LINGO1: variants seen among roughly 807,000 people sequenced by gnomAD.
LINGO1 encodes the protein leucine-rich repeat and immunoglobulin-like domain-containing nogo receptor-interacting protein 1.
LINGO1 carries 11 observed loss-of-function variants against 37.3 expected under a neutral mutation model. The observed-to-expected ratio is 0.29, with a 90% confidence interval of 0.19 to 0.49. The LOEUF (loss-of-function observed/expected upper bound fraction) is 0.49. LINGO1 is among the 20% of genes least tolerant of loss of function. The pLI, the probability that LINGO1 is intolerant of heterozygous loss-of-function variation, is 0.99. For synonymous variants in LINGO1, 387 were observed against 403.0 expected, an observed-to-expected ratio of 0.96 and a Z score of 0.48; for missense variants, 585 against 878.2, an observed-to-expected ratio of 0.67 and a Z score of 4.22.
chr15:77,623,902 T>A (rs56037535), intron 1 of LINGO1, among the ~76,000 whole-genome samples: 24,808 of 145,648 alleles, frequency 0.17, 4,237 homozygotes, highest in African/African-American at 0.46. Context: ...GTGTGTGTGG[T>A]CTCTGTGTGT....
chr15:77,615,753 C>A lies in LINGO1; in HGVS notation c.154G>T (p.Asp52Tyr), dbSNP rs1307339875. Residue 52 changes from aspartate to tyrosine, a missense_variant, in exon 2 of 2, where the codon GAC becomes TAC. Physicochemically the swap from Asp to Tyr is radical, Grantham distance 160. Around this residue, in one of 4 missense-constraint regions of LINGO1, gnomAD observed 484 missense variants for 735.0 expected, o/e 0.66. Transcript: ENST00000355300. ...TTGCGGTGGCACAGCACAGCGCGGTCCTGGGCGGAGCACTCGCAGCGGGGC... is the reference window on the plus strand; with the variant it reads ...TTGCGGTGGCACAGCACAGCGCGGTACTGGGCGGAGCACTCGCAGCGGGGC... ...CPPRCECSAQ[D>Y]RAVLCHRKRF... The A allele has an allele frequency of 1.9e-6, 3 of 1,586,956 alleles. No individual in the cohort carries two copies. Among genetic ancestry groups the A allele is most frequent in the Non-Finnish European group, 2.6e-6 (3 of 1,170,938 alleles).
chr15:77,646,300 G>A (rs750058673), intron 3 of LINGO1: 3 of 352,352 alleles, frequency 8.5e-6, no homozygotes, highest in Non-Finnish European at 1.7e-5. Context: ...CCACAGAGCA[G>A]TGGGCGGGGA....
chr15:77,696,582 C>T (rs189578483), upstream of LINGO1: 384 of 152,656 alleles, frequency 2.5e-3, no homozygotes, highest in Non-Finnish European at 3.6e-3. Context: ...CTGCCCACCG[C>T]GGAGGGCCCC....
intron 1 of LINGO1, among the ~76,000 whole-genome samples, chr15:77,695,693 C>T (rs2141261178): frequency 6.6e-6 from 1 of 152,196 alleles, no homozygotes; most frequent in South Asian, 2.1e-4. Context: ...GCCCAGCCTC[C>T]CCCTGCCCCA....
chr15:77,725,880 C>T (rs572261408), intron 2 of LINGO1, among the ~76,000 whole-genome samples: 25 of 152,198 alleles, frequency 1.6e-4, no homozygotes, highest in African/African-American at 4.6e-4. Flanking sequence ...GCCCAGGGAG[C>T]GTACATAGAG....
intron 2 of LINGO1, among the ~76,000 whole-genome samples, chr15:77,702,611 CTG>C (rs2075798934): frequency 6.6e-6 from 1 of 152,216 alleles, no homozygotes; most frequent in Non-Finnish European, 1.5e-5. Flanking sequence ...GGTAAGGAAA[CTG>C]AGGCTCAGAC....
chr15:77,682,573 G>A (rs1567518269), intron 2 of LINGO1, among the ~76,000 whole-genome samples: 1 of 151,874 alleles, frequency 6.6e-6, no homozygotes. Context: ...AAACACCCAA[G>A]CATCACTCCA....
intron 1 of LINGO1, among the ~76,000 whole-genome samples, chr15:77,778,342 A>G (rs1233717006): frequency 6.6e-6 from 1 of 152,232 alleles, no homozygotes; most frequent in African/African-American, 2.4e-5. Context: ...ACCACTCTGC[A>G]AAGACATTTT....
At chr15:77,679,678 C>G (rs2075382639) in intron 2 of LINGO1, among the ~76,000 whole-genome samples, 1 of 152,202 alleles carries the variant, frequency 6.6e-6, no homozygotes. Flanking sequence ...GTCCTGGAGT[C>G]AGAACACCTG....
chr15:77,806,996 T>C (rs764388134), intron 1 of LINGO1, among the ~76,000 whole-genome samples: 12 of 152,132 alleles, frequency 7.9e-5, no homozygotes, highest in Non-Finnish European at 1.6e-4. Flanking sequence ...AAGCTCTCCC[T>C]AGTAGCTCAG....
rs574130944 is a variant in LINGO1 at position 77,704,315 on chromosome 15, A to T, written c.-194-13414T>A. On this transcript the variant is annotated intron_variant, in intron 2 of 3. Coordinates refer to the LINGO1 transcript ENST00000561686. ...GCCTCCAATCTGCCCCTGAGGCTAC[A>T]CATAGAGCACTATGCTGAGCTCCAA... Among the ~76,000 whole-genome samples, 69 of 152,338 alleles carry T rather than the reference A, an allele frequency of 4.5e-4. 1 individual carries two copies. Among genetic ancestry groups the T allele is most frequent in the African/African-American group, 1.6e-3 (67 of 41,570 alleles).
upstream of LINGO1, chr15:77,634,474 T>A (rs1162025604): frequency 2.7e-6 from 1 of 377,154 alleles, no homozygotes; most frequent in Non-Finnish European, 5.4e-6. Flanking sequence ...CCAGCAACTC[T>A]GGGGGAGGCA....
chr15:77,631,568 A>G (rs1038920043), intron 1 of LINGO1, among the ~76,000 whole-genome samples: 3 of 152,104 alleles, frequency 2.0e-5, no homozygotes, highest in Admixed American at 2.0e-4. Context: ...GCCCACCCCG[A>G]AAAGGGTGTG....
chr15:77,752,640 GCCAAC>G (rs1596190580), intron 1 of LINGO1, among the ~76,000 whole-genome samples: 1 of 152,230 alleles, frequency 6.6e-6, no homozygotes, highest in Non-Finnish European at 1.5e-5. Context: ...GATGGAATCA[GCCAAC>G]CCTAGGTAAG....
intron 1 of LINGO1, among the ~76,000 whole-genome samples, chr15:77,751,119 C>A (rs1280816567): frequency 6.6e-6 from 1 of 152,176 alleles, no homozygotes; most frequent in Admixed American, 6.5e-5. Flanking sequence ...CCGTGATTGT[C>A]AGCCTAAACT....
intron 1 of LINGO1, among the ~76,000 whole-genome samples, chr15:77,783,440 T>A (rs2076740737): frequency 6.6e-6 from 1 of 152,066 alleles, no homozygotes; most frequent in Non-Finnish European, 1.5e-5. Context: ...GCCCCTACCT[T>A]GGTAGGGCCT....
rs569173537 is a variant in LINGO1 at position 77,724,402 on chromosome 15, C to T, written c.-195+10590G>A. 3.3e-5 allele frequency among the ~76,000 whole-genome samples: 5 copies of T among 152,312 alleles called. No homozygotes were observed. In the East Asian group the frequency reaches 7.7e-4, roughly 24 times the overall value. On this transcript the variant is annotated intron_variant, in intron 2 of 3. Coordinates refer to the LINGO1 transcript ENST00000561686. ...CAGCCTCGGTTTGCTGATCTGCAAA[C>T]GCGGGGACTTATCAGGTCTGTGGGC...
At chr15:77,753,428 C>G (rs554535535) in intron 1 of LINGO1, among the ~76,000 whole-genome samples, 1 of 152,214 alleles carries the variant, frequency 6.6e-6, no homozygotes, top group Non-Finnish European at 1.5e-5. Flanking sequence ...GGAGACTCTG[C>G]GGGCCTGGCT....
intron 2 of LINGO1, among the ~76,000 whole-genome samples, chr15:77,714,681 G>A (rs1310102221): frequency 2.0e-5 from 3 of 152,360 alleles, no homozygotes; most frequent in African/African-American, 7.2e-5. Flanking sequence ...ACTCAGTAAT[G>A]TCTGTGGAGT....
Sources: allele counts gnomAD v4.1 joint callset (sites outside exome capture counted in the v4.1 genomes callset), GRCh38; gene constraint gnomAD v4.1.1; regional missense constraint gnomAD v4.1.1; transcripts MANE v1.5; gene names NCBI Gene and HGNC (gene_info 2026-07-23, HGNC 2026-07-21).